Variants in ATG16L1 observed in about 807,000 individuals in gnomAD.
ATG16L1 encodes autophagy related 16 like 1, also known as autophagy-related protein 16-1.
ATG16L1 carries 37 observed loss-of-function variants against 88.5 expected under a neutral mutation model. The observed-to-expected ratio is 0.42, with a 90% CI of 0.32 to 0.55. ATG16L1 has a LOEUF of 0.55. Ranked by LOEUF, ATG16L1 falls within the 20% of genes least tolerant of loss-of-function variation. The probability of loss-of-function intolerance (pLI) is 0.13; values close to 1 mark genes in which losing one functional copy is unlikely to be tolerated. For synonymous variants in ATG16L1, 301 were observed against 281.0 expected, an observed-to-expected ratio of 1.07 and a Z score of -0.71; for missense variants, 554 against 752.8, an observed-to-expected ratio of 0.74 and a Z score of 3.09.
At chr2:233,287,341 G>A (rs974938503) in intron 12 of ATG16L1, among the ~76,000 whole-genome samples, 7 of 152,176 alleles carry the variant, frequency 4.6e-5, no homozygotes, top group Admixed American at 1.3e-4. Flanking sequence ...ACATGTTCCT[G>A]TGAAGTATGT....
intron 11 of ATG16L1, among the ~76,000 whole-genome samples, chr2:233,281,556 T>C (rs141816177): frequency 6.6e-6 from 1 of 152,162 alleles, no homozygotes; most frequent in Non-Finnish European, 1.5e-5. Flanking sequence ...GGCTGAGATG[T>C]GTGTGGAGTA....
chr2:233,285,225 A>T (rs1160010138), intron 12 of ATG16L1, among the ~76,000 whole-genome samples: 1 of 152,210 alleles, frequency 6.6e-6, no homozygotes, highest in Non-Finnish European at 1.5e-5. Flanking sequence ...ACTGAGATAC[A>T]GTAAAACTGA....
intron 3 of ATG16L1, 101 bp from the exon 4 acceptor site, chr2:233,263,891 C>A: frequency 8.6e-7 from 1 of 1,156,506 alleles, no homozygotes; most frequent in Non-Finnish European, 1.3e-6. Context: ...TGTCACCCAG[C>A]TCATTTATTC....
intron 2 of ATG16L1, among the ~76,000 whole-genome samples, chr2:233,262,754 G>GCTCT (rs1180697222): frequency 1.3e-5 from 2 of 152,138 alleles, no homozygotes; most frequent in Non-Finnish European, 2.9e-5. Flanking sequence ...CCTCACACGT[G>GCTCT]CTCTCAGTTG....
In ATG16L1 at chr2:233,273,778, GTAGGT is replaced by G. The variant is rs1698147347; in HGVS notation, c.851+5_851+9del. The G allele has an allele frequency of 6.2e-7, 1 of 1,613,868 alleles. No individual in the cohort carries two copies. The highest frequency in any genetic ancestry group is 1.3e-5 in the African/African-American group (1 of 74,916). On this transcript the variant is annotated splice_donor_variant and splice_donor_5th_base_variant and intron_variant, in intron 8 of 17. Transcript: ENST00000392017. LOFTEE classifies it high-confidence loss of function. ...TGGATTCTATCACTAATATCTTTGGGTAGGTTAGAAGACCTTTCCTTTTTAAATGT... is the reference window on the plus strand; with the variant it reads ...TGGATTCTATCACTAATATCTTTGGGTAGAAGACCTTTCCTTTTTAAATGT...
intron 5 of ATG16L1, among the ~76,000 whole-genome samples, chr2:233,267,229 A>G (rs936816725): frequency 6.6e-6 from 1 of 152,104 alleles, no homozygotes; most frequent in African/African-American, 2.4e-5. Flanking sequence ...GATGCCTGTA[A>G]TCCCAGCTAC....
chr2:233,294,639 T>G lies in ATG16L1; in HGVS notation c.*289T>G. On this transcript the variant is annotated 3_prime_UTR_variant, in exon 18 of 18. Coordinates refer to ENST00000392017, the MANE Select transcript of ATG16L1 (RefSeq NM_030803.7). ...CTAGCTCTGACCTTCCATACCTCAC[T>G]TGGGGGAGCACAGGGCCCCGCTGGG... 1 of 250,398 alleles carries G rather than the reference T, an allele frequency of 4.0e-6. No homozygotes were observed. Among genetic ancestry groups the G allele is most frequent in the Non-Finnish European group, 7.7e-6 (1 of 129,688 alleles). 15.5% of individuals were successfully genotyped at this position (250,398 alleles called of 1,614,324 possible). A position where few individuals can be genotyped will look rare whatever the true frequency, so the allele number is the denominator to read the frequency against.
rs575549855 is a variant in ATG16L1 at position 233,260,440 on chromosome 2, C to T, written c.210-2690C>T. 5.3e-5 allele frequency among the ~76,000 whole-genome samples: 8 copies of T among 152,306 alleles called. No homozygotes were observed. The East Asian group carries it at 1.5e-3, about 29-fold the overall frequency. The stretch of plus-strand genomic sequence containing the variant: ...ACCTCTGAAGTTTGAGCACTACCAC[C>T]TTTACTGCTACTCAGACTTCCTGGA... On this transcript the variant is annotated intron_variant, in intron 2 of 17. Coordinates refer to ENST00000392017, the MANE Select transcript of ATG16L1 (RefSeq NM_030803.7).
intron 11 of ATG16L1, among the ~76,000 whole-genome samples, chr2:233,282,218 G>C (rs1166198468): frequency 1.3e-5 from 2 of 152,204 alleles, no homozygotes; most frequent in East Asian, 1.9e-4. Flanking sequence ...CGTGCGTTCA[G>C]TGCTTCTGCA....
At chr2:233,291,311 G>A (rs941189255) in intron 14 of ATG16L1, among the ~76,000 whole-genome samples, 3 of 152,160 alleles carry the variant, frequency 2.0e-5, no homozygotes, top group African/African-American at 7.2e-5. Flanking sequence ...ACCTGAAATT[G>A]GAACTTGAAA....
intron 12 of ATG16L1, among the ~76,000 whole-genome samples, chr2:233,284,844 ATTT>A (rs1698973428): frequency 6.6e-6 from 1 of 152,110 alleles, no homozygotes; most frequent in Non-Finnish European, 1.5e-5. Context: ...GTTTCTGGTG[ATTT>A]TCTTGAGAGG....
chr2:233,257,761 C>T (rs2125204047), intron 2 of ATG16L1, among the ~76,000 whole-genome samples: 1 of 152,230 alleles, frequency 6.6e-6, no homozygotes, highest in Admixed American at 6.5e-5. Context: ...AATCCCAGCA[C>T]TTTGGGAGGC....
At chr2:233,257,351 A>G (rs1696864729) in intron 2 of ATG16L1, among the ~76,000 whole-genome samples, 1 of 152,164 alleles carries the variant, frequency 6.6e-6, no homozygotes, top group African/African-American at 2.4e-5. Flanking sequence ...TTTAACCTTT[A>G]TAATGGTGCA....
At position 233,258,023 on chromosome 2, in the gene ATG16L1, ATATATC is replaced by A. The variant is rs1248469206; in HGVS notation, c.209+1834_209+1839del. Among the ~76,000 whole-genome samples the A allele has an allele frequency of 6.0e-5, 3 of 49,664 alleles. No homozygotes were observed. The East Asian group carries it at 1.3e-3, about 22-fold the overall frequency. 32.6% of individuals were successfully genotyped at this position (49,664 alleles called of 152,430 possible). A position where few individuals can be genotyped will look rare whatever the true frequency, so the allele number is the denominator to read the frequency against. Reference sequence around the variant, plus strand: ...TCTCAAAAAAAAAAAAAAAATATCTATATATCTATATATCTATATATCTATATCTAT... The same window carrying A: ...TCTCAAAAAAAAAAAAAAAATATCTATATATATCTATATATCTATATCTAT... On this transcript the variant is annotated intron_variant, in intron 2 of 17. Transcript: ENST00000392017.
At chr2:233,275,638 TGGA>T (rs1698295750) in intron 9 of ATG16L1, 2 of 470,600 alleles carry the variant, frequency 4.2e-6, no homozygotes, top group South Asian at 3.2e-5. Context: ...AGTTCCGCTT[TGGA>T]GGAGGAGTTG....
intron 7 of ATG16L1, 176 bp downstream of exon 7, chr2:233,273,228 A>G (rs1698111540): frequency 1.7e-6 from 1 of 586,360 alleles, no homozygotes; most frequent in East Asian, 2.8e-5. Flanking sequence ...ACCTCTGCTT[A>G]ATGGGAGGGA....
In ATG16L1 at chr2:233,277,635, G is replaced by A. The variant is rs1273002301; in HGVS notation, c.1022G>A (p.Gly341Asp). The change falls in exon 10 of 18, where the codon GGC (glycine) becomes GAC (aspartate). Residue 341 changes from glycine (G) to aspartate (D), a missense_variant. Around this residue, in one of 5 missense-constraint regions of ATG16L1, gnomAD observed 370 missense variants for 509.7 expected, o/e 0.73. Coordinates refer to ENST00000392017, the MANE Select transcript of ATG16L1 (RefSeq NM_030803.7). ...GGTTCCCGGTTACTGGCCACTGGAGGCATGGACCGCAGGGTTAAGCTTTGG... is the reference window on the plus strand; with the variant it reads ...GGTTCCCGGTTACTGGCCACTGGAGACATGGACCGCAGGGTTAAGCTTTGG... ...SPGSRLLATG[G>D]MDRRVKLWEV... The A allele has an allele frequency of 6.2e-7, 1 of 1,614,078 alleles. No homozygotes were observed. Among genetic ancestry groups the A allele is most frequent in the East Asian group, 2.2e-5 (1 of 44,888 alleles).
rs936885005 is a variant in ATG16L1 at position 233,294,945 on chromosome 2, T to C, written c.*595T>C. On this transcript the variant is annotated 3_prime_UTR_variant, in exon 18 of 18. Coordinates refer to ENST00000392017, the MANE Select transcript of ATG16L1 (RefSeq NM_030803.7). ...TCTGGCTCTCTTTCCCCCACAAAAT[T>C]CGACATATTTAAAAATCTCCGTGTG... The C allele has an allele frequency of 1.3e-5, 2 of 152,428 alleles. No individual in the cohort carries two copies. The highest frequency in any genetic ancestry group is 6.5e-5 in the Admixed American group (1 of 15,280). 9.4% of individuals were successfully genotyped at this position (152,428 alleles called of 1,614,324 possible).
At chr2:233,262,694 C>T (rs1026735877) in intron 2 of ATG16L1, among the ~76,000 whole-genome samples, 1 of 152,202 alleles carries the variant, frequency 6.6e-6, no homozygotes, top group African/African-American at 2.4e-5. Flanking sequence ...CCCCCTCCCT[C>T]TGTTCCCCTT....
Sources: allele counts gnomAD v4.1 joint callset (sites outside exome capture counted in the v4.1 genomes callset), GRCh38; gene constraint gnomAD v4.1.1; regional missense constraint gnomAD v4.1.1; transcripts MANE v1.5; gene names NCBI Gene and HGNC (gene_info 2026-07-23, HGNC 2026-07-21).